DMXL1: variants seen among roughly 807,000 people sequenced by gnomAD.
The protein encoded by DMXL1 is Dmx like 1.
A neutral mutation model predicts 319.2 loss-of-function variants in DMXL1; 99 were observed. The ratio of observed to expected loss-of-function variants is 0.31; its 90% CI spans 0.26 to 0.37. DMXL1 has a LOEUF of 0.37. DMXL1 is among the 10% of genes least tolerant of loss of function. The pLI, the probability that DMXL1 is intolerant of heterozygous loss-of-function variation, is 1.00. For synonymous variants in DMXL1, 1,385 were observed against 1,235.2 expected (o/e 1.12, Z -2.54); for missense variants, 3,745 against 3,595.6 (o/e 1.04, Z -1.06).
chr5:119,238,584 CAG>C lies in DMXL1; in HGVS notation c.8560-403_8560-402del, dbSNP rs527813008. On this transcript the variant is annotated intron_variant, in intron 40 of 43. Transcript: ENST00000539542. ...AAATTCTAGTTTCTATCTTCTGAAA[CAG>C]AAATTTTCACTATGCTAGGAGAAGG... Among the ~76,000 whole-genome samples the C allele has an allele frequency of 4.3e-4, 65 of 152,050 alleles. 1 individual carries two copies. Among genetic ancestry groups the C allele is most frequent in the Non-Finnish European group, 6.9e-4 (47 of 67,964 alleles).
At chr5:119,103,095 T>TA (rs1580713095) in intron 3 of DMXL1, among the ~76,000 whole-genome samples, 1 of 151,478 alleles carries the variant, frequency 6.6e-6, no homozygotes, top group East Asian at 1.9e-4. Context: ...TTTTTTTTTT[T>TA]TAAAAAAAAA....
intron 21 of DMXL1, 30 bp from the exon 22 acceptor site, chr5:119,166,586 A>C (rs767270144): frequency 4.6e-4 from 721 of 1,576,548 alleles, no homozygotes; most frequent in Non-Finnish European, 5.6e-4. Flanking sequence ...TGTATTCCAA[A>C]ATTTTCACAC....
rs779444486 is a variant in DMXL1 at position 119,121,072 on chromosome 5, G to A, written c.1035G>A (p.Arg345=). 1 of 1,613,346 alleles carries A rather than the reference G, an allele frequency of 6.2e-7. No individual in the cohort carries two copies. The change falls in exon 9 of 44, where the codon AGG becomes AGA. Residue 345 remains arginine, a synonymous_variant. Coordinates refer to ENST00000539542, the MANE Select transcript of DMXL1 (RefSeq NM_001290321.3). ...AGCAGGATCCTCATCATGTTCACAG[G>A]AACACTCCACTGCATGCCAATGCAC... ...PHQQDPHHVH[R]NTPLHANALC... is the part of the protein sequence containing the mutation.
intron 34 of DMXL1, among the ~76,000 whole-genome samples, chr5:119,207,447 A>G (rs933182978): frequency 6.6e-6 from 1 of 152,200 alleles, no homozygotes; most frequent in African/African-American, 2.4e-5. Context: ...GAACCAAAGC[A>G]CAAAAGATGA....
At chr5:119,081,275 T>C (rs1375978548) in intron 1 of DMXL1, among the ~76,000 whole-genome samples, 1 of 152,108 alleles carries the variant, frequency 6.6e-6, no homozygotes. Context: ...AAAAGTCAAA[T>C]CCAGATGACT....
At chr5:119,239,176 C>A in intron 41 of DMXL1, 96 bp downstream of exon 41, 1 of 1,237,034 alleles carries the variant, frequency 8.1e-7, no homozygotes, top group Non-Finnish European at 1.1e-6. Flanking sequence ...TTACTTATGG[C>A]TTTAGATACA....
chr5:119,173,667 GATGT>G (rs1356223179), intron 25 of DMXL1, among the ~76,000 whole-genome samples: 2 of 101,490 alleles, frequency 2.0e-5, no homozygotes, highest in African/African-American at 3.4e-5. Context: ...GAATCAGTAG[GATGT>G]ATGTGTGTGT....
At chr5:119,114,693 G>A (rs1760437310) in intron 6 of DMXL1, 152 bp downstream of exon 6, 1 of 629,682 alleles carries the variant, frequency 1.6e-6, no homozygotes, top group Admixed American at 3.3e-5. Flanking sequence ...TTTTGTGATG[G>A]AGACTCACTC....
Position 119,119,012 on chromosome 5 carries a change from T to C in DMXL1, c.933+8T>C. ...GTTCAAAATGCTTTAGAAGTGAGTG[T>C]TTTTGTTACATTACTTACTACAAGT... On this transcript the variant is annotated splice_region_variant and intron_variant, in intron 8 of 43. Transcript: ENST00000539542. The C allele has an allele frequency of 6.3e-7, 1 of 1,589,992 alleles. No homozygotes were observed. Among genetic ancestry groups the C allele is most frequent in the Non-Finnish European group, 8.6e-7 (1 of 1,167,152 alleles).
intron 39 of DMXL1, among the ~76,000 whole-genome samples, chr5:119,235,548 T>C (rs2150703780): frequency 6.6e-6 from 1 of 152,040 alleles, no homozygotes; most frequent in South Asian, 2.1e-4. Context: ...AAAAACAATA[T>C]TCAAAGGAAT....
rs1554139436 is a variant in DMXL1 at position 119,202,885 on chromosome 5, T to TTTA, written c.7746-433_7746-432insTAT. ...CATACATATATATATATATATATTT[T>TTTA]TATATATATATATATATATATTTAT... On this transcript the variant is annotated intron_variant, in intron 32 of 43. Coordinates refer to ENST00000539542, the MANE Select transcript of DMXL1 (RefSeq NM_001290321.3). Among the ~76,000 whole-genome samples the TTTA allele has an allele frequency of 3.6e-3, 471 of 130,742 alleles. 4 individuals carry two copies. Among genetic ancestry groups the TTTA allele is most frequent in the Admixed American group, 7.1e-3 (89 of 12,546 alleles). The allele number at this position is 130,742 out of a possible 152,430, so 85.8% of individuals were successfully genotyped here. A position where few individuals can be genotyped will look rare whatever the true frequency, so the allele number is the denominator to read the frequency against.
intron 1 of DMXL1, among the ~76,000 whole-genome samples, chr5:119,073,883 AG>A (rs1181709887): frequency 6.6e-6 from 1 of 151,766 alleles, no homozygotes; most frequent in East Asian, 1.9e-4. Flanking sequence ...TCATGTTAAA[AG>A]GCAGAATCTA....
intron 28 of DMXL1, among the ~76,000 whole-genome samples, chr5:119,183,563 C>G (rs1777158867): frequency 6.6e-6 from 1 of 152,098 alleles, no homozygotes; most frequent in African/African-American, 2.4e-5. Flanking sequence ...GCCTCCGCCT[C>G]CCAGGTTCAA....
chr5:119,085,848 G>A (rs1464566545), intron 1 of DMXL1, among the ~76,000 whole-genome samples: 2 of 152,094 alleles, frequency 1.3e-5, no homozygotes, highest in African/African-American at 2.4e-5. Context: ...ATTATTGTGA[G>A]GAATGTTCCT....
At chr5:119,090,681 G>A (rs1159547983) in intron 1 of DMXL1, among the ~76,000 whole-genome samples, 1 of 150,802 alleles carries the variant, frequency 6.6e-6, no homozygotes, top group African/African-American at 2.4e-5. Flanking sequence ...TCCTGCCTCA[G>A]CCTCCCAAGT....
chr5:119,153,479 A>G lies in DMXL1; in HGVS notation c.4702+1443A>G, dbSNP rs555673366. Among the ~76,000 whole-genome samples the G allele has an allele frequency of 7.0e-4, 107 of 152,370 alleles. 4 individuals carry two copies. In the South Asian group the frequency reaches 0.021, roughly 30 times the overall value. On this transcript the variant is annotated intron_variant, in intron 19 of 43. Transcript: ENST00000539542. ...TCTTAGCAATATTGAAATATACAAT[A>G]CACTATTATTAAAGGTAGCTACCAT...
At chr5:119,183,373 AT>A (rs1777113623) in intron 28 of DMXL1, among the ~76,000 whole-genome samples, 1 of 152,272 alleles carries the variant, frequency 6.6e-6, no homozygotes, top group African/African-American at 2.4e-5. Flanking sequence ...GATTTAAAAT[AT>A]AATTGAATAT....
At chr5:119,148,713 T>C in intron 17 of DMXL1, 26 bp from the exon 18 acceptor site, 1 of 1,581,168 alleles carries the variant, frequency 6.3e-7, no homozygotes, top group Non-Finnish European at 8.6e-7. Flanking sequence ...ATTTGACATT[T>C]TGTTAACGGA....
intron 32 of DMXL1, among the ~76,000 whole-genome samples, chr5:119,202,858 T>C (rs1031727969): frequency 3.9e-5 from 5 of 127,176 alleles, no homozygotes; most frequent in African/African-American, 1.4e-4. Flanking sequence ...CTCAAAAATA[T>C]ACATACATAT....
Sources: gnomAD v4.1 joint callset for allele counts (sites outside exome capture counted in the v4.1 genomes callset) on GRCh38, gnomAD v4.1.1 for gene constraint, MANE v1.5 for transcripts, NCBI Gene and HGNC (gene_info 2026-07-23, HGNC 2026-07-21) for gene names.